The following MKRN2OS variants were observed in gnomAD, a reference collection of about 807,000 sequenced individuals.
MKRN2OS encodes MKRN2 opposite strand protein.
Under a neutral mutation model 18.2 loss-of-function variants are expected in MKRN2OS, and 17 were observed. The ratio of observed to expected loss-of-function variants is 0.93; its 90% CI spans 0.64 to 1.40. MKRN2OS has a LOEUF of 1.40. Among genes scored for constraint, MKRN2OS ranks in the 40% most tolerant of loss-of-function variants. The probability of loss-of-function intolerance (pLI) is 0.00; values close to 1 mark genes in which losing one functional copy is unlikely to be tolerated. For synonymous variants in MKRN2OS, 121 were observed against 108.5 expected, an observed-to-expected ratio of 1.12 and a Z score of -0.72; for missense variants, 337 against 283.0, an observed-to-expected ratio of 1.19 and a Z score of -1.37.
upstream of MKRN2OS, among the ~76,000 whole-genome samples, chr3:12,546,575 A>ATTTTTTTTTTTTT (rs1160434615): frequency 1.2e-4 from 12 of 97,130 alleles, 1 homozygote; most frequent in Non-Finnish European, 1.7e-4. Context: ...GGTACATGGG[A>ATTTTTTTTTTTTT]TTTTTTTTTT....
chr3:12,551,124 T>G (rs1336000935), downstream of MKRN2OS, among the ~76,000 whole-genome samples: 1 of 149,392 alleles, frequency 6.7e-6, no homozygotes, highest in South Asian at 2.1e-4. Flanking sequence ...GGAGCCACCC[T>G]CCTGCCCTGA....
chr3:12,545,930 C>T (rs891196049), upstream of MKRN2OS, among the ~76,000 whole-genome samples: 2 of 152,154 alleles, frequency 1.3e-5, no homozygotes, highest in Non-Finnish European at 2.9e-5. Flanking sequence ...CTCAGCCTCC[C>T]GGAGTAGCTG....
chr3:12,557,018 C>A (rs1332940406), intron 1 of MKRN2OS: 2 of 1,004,216 alleles, frequency 2.0e-6, no homozygotes, highest in African/African-American at 1.7e-5. Flanking sequence ...AGGTGCCACA[C>A]CGGAGGGGCG....
intron 1 of MKRN2OS, among the ~76,000 whole-genome samples, chr3:12,554,594 T>G (rs2057953060): frequency 6.6e-6 from 1 of 151,962 alleles, no homozygotes; most frequent in Non-Finnish European, 1.5e-5. Flanking sequence ...ACAGACACCC[T>G]AAAGGGCACC....
chr3:12,542,126 C>G, intron 2 of MKRN2OS, 104 bp from the exon 3 acceptor site: 1 of 1,197,254 alleles, frequency 8.4e-7, no homozygotes, highest in Non-Finnish European at 1.1e-6. Context: ...CTTTACGTAA[C>G]ATAAATCCAG....
chr3:12,559,294 A>G (rs1397735270), intron 1 of MKRN2OS, among the ~76,000 whole-genome samples: 1 of 152,200 alleles, frequency 6.6e-6, no homozygotes, highest in African/African-American at 2.4e-5. Context: ...CAGCTTATCT[A>G]CCAAAAGCTT....
chr3:12,543,514 G>C (rs771653524), intron 1 of MKRN2OS, among the ~76,000 whole-genome samples: 61 of 152,238 alleles, frequency 4.0e-4, no homozygotes, highest in Non-Finnish European at 7.9e-4. Flanking sequence ...TTGAACCCGG[G>C]AGGTGGAGAT....
At chr3:12,552,315 C>CAA (rs561991598), downstream of MKRN2OS, among the ~76,000 whole-genome samples, 19 of 138,908 alleles carry the variant, frequency 1.4e-4, no homozygotes, top group African/African-American at 4.2e-4. Context: ...AAGACCATCT[C>CAA]AAAAAAAAAA....
At chr3:12,544,723 C>T (rs1009760606) in intron 1 of MKRN2OS, among the ~76,000 whole-genome samples, 6 of 151,820 alleles carry the variant, frequency 4.0e-5, no homozygotes, top group Non-Finnish European at 7.4e-5. Context: ...CTTTCTAATT[C>T]ATCCTTTTTG....
chr3:12,543,535 C>G (rs1311096461), intron 1 of MKRN2OS, among the ~76,000 whole-genome samples: 1 of 151,970 alleles, frequency 6.6e-6, no homozygotes, highest in Non-Finnish European at 1.5e-5. Context: ...TGCAGTGAGC[C>G]ATGATCGCAC....
chr3:12,541,217 G>T (rs2454430), intron 3 of MKRN2OS, among the ~76,000 whole-genome samples: 152,216 of 152,216 alleles, frequency 1, 76,108 homozygotes, highest in Non-Finnish European at 1. Flanking sequence ...TTGAACATTG[G>T]TTTTTGTGTT....
upstream of MKRN2OS, among the ~76,000 whole-genome samples, chr3:12,546,668 C>T (rs1478553578): frequency 1.7e-4 from 25 of 147,266 alleles, no homozygotes; most frequent in Non-Finnish European, 3.4e-4. Flanking sequence ...GCAACCTCCG[C>T]CTCCTGGGTT....
At chr3:12,557,472 G>C (rs1575512942) in intron 1 of MKRN2OS, among the ~76,000 whole-genome samples, 1 of 152,254 alleles carries the variant, frequency 6.6e-6, no homozygotes, top group African/African-American at 2.4e-5. Flanking sequence ...GCAGGATGCC[G>C]GGGCGCTGTC....
chr3:12,543,329 G>A, intron 1 of MKRN2OS, 100 bp from the exon 2 acceptor site: 7 of 984,152 alleles, frequency 7.1e-6, no homozygotes, highest in Non-Finnish European at 9.0e-6. Context: ...GCTTAGACCT[G>A]TAATCCCAGC....
chr3:12,540,877 CA>C (rs11369647), intron 3 of MKRN2OS, among the ~76,000 whole-genome samples: 117 of 59,670 alleles, frequency 2.0e-3, no homozygotes, highest in East Asian at 4.0e-3. Flanking sequence ...GACTCCATCT[CA>C]AAAAAAAAAA....
At chr3:12,558,532 T>A (rs1044755123) in intron 1 of MKRN2OS, among the ~76,000 whole-genome samples, 1 of 151,932 alleles carries the variant, frequency 6.6e-6, no homozygotes, top group African/African-American at 2.4e-5. Context: ...CACAAAACAG[T>A]ACACATTTAT....
chr3:12,548,483 C>CAAAAAAAAAA (rs1491476123), upstream of MKRN2OS, among the ~76,000 whole-genome samples: 5 of 16,134 alleles, frequency 3.1e-4, no homozygotes, highest in African/African-American at 1.0e-3. Flanking sequence ...AAAAAAAAAA[C>CAAAAAAAAAA]CAGCCGAGCG....
At chr3:12,558,901 T>C (rs549245737) in intron 1 of MKRN2OS, among the ~76,000 whole-genome samples, 2 of 152,334 alleles carry the variant, frequency 1.3e-5, no homozygotes, top group Admixed American at 6.5e-5. Flanking sequence ...CAACCAGCGC[T>C]CTTCCACAGA....
chr3:12,554,085 C>G (rs926156685), exon 2 of MKRN2OS: 4 of 152,250 alleles, frequency 2.6e-5, no homozygotes, highest in East Asian at 1.9e-4. Flanking sequence ...TCACCCGCTT[C>G]TATCTGATAG....
Sources: gnomAD v4.1 joint callset for allele counts (sites outside exome capture counted in the v4.1 genomes callset) on GRCh38, gnomAD v4.1.1 for gene constraint, MANE v1.5 for transcripts, NCBI Gene and HGNC (gene_info 2026-07-23, HGNC 2026-07-21) for gene names.